The following DPP6 variants were observed in gnomAD, a reference collection of about 807,000 sequenced individuals.
DPP6 encodes the protein dipeptidyl peptidase like 6, also known as A-type potassium channel modulatory protein DPP6.
In DPP6, 69 loss-of-function variants were observed where a neutral mutation model predicts 122.6. That is an observed-to-expected ratio of 0.56 (90% CI 0.46 to 0.69). The LOEUF (loss-of-function observed/expected upper bound fraction) is 0.69. DPP6 is among the 30% of genes least tolerant of loss of function. The probability of loss-of-function intolerance (pLI) is 0.00; values close to 1 mark genes in which losing one functional copy is unlikely to be tolerated. For missense variants in DPP6, 928 were observed against 1,116.9 expected, an observed-to-expected ratio of 0.83 and a Z score of 2.41; for synonymous variants, 418 against 433.1, an observed-to-expected ratio of 0.97 and a Z score of 0.43.
chr7:153,773,014 A>T, the DPP6 span, among the ~76,000 whole-genome samples: 18 of 130,704 alleles, frequency 1.4e-4, no homozygotes, highest in Admixed American at 5.4e-4. Context: ...AAAGACATAT[A>T]TTATATAATA....
intron 8 of DPP6, among the ~76,000 whole-genome samples, chr7:154,766,115 G>A (rs1451698692): frequency 6.6e-6 from 1 of 152,200 alleles, no homozygotes; most frequent in African/African-American, 2.4e-5. Context: ...AAGGAGCGAT[G>A]TGTTCAAGGA....
intron 4 of DPP6, among the ~76,000 whole-genome samples, chr7:154,555,218 T>C (rs1049558056): frequency 2.0e-5 from 3 of 152,122 alleles, no homozygotes; most frequent in African/African-American, 7.2e-5. Context: ...TTTCTCATAA[T>C]AGAATTTTAT....
chr7:154,204,592 C>G (rs752639726), intron 1 of DPP6, among the ~76,000 whole-genome samples: 5 of 152,178 alleles, frequency 3.3e-5, no homozygotes, highest in Non-Finnish European at 7.3e-5. Flanking sequence ...GGACGCTGCT[C>G]AGACCTGCGA....
At chr7:154,768,188 C>A (rs969199815) in intron 8 of DPP6, among the ~76,000 whole-genome samples, 4 of 152,222 alleles carry the variant, frequency 2.6e-5, no homozygotes, top group African/African-American at 9.6e-5. Context: ...CTTCATGAAC[C>A]CTCCTCCCGG....
intron 12 of DPP6, among the ~76,000 whole-genome samples, chr7:154,796,598 C>A (rs927075112): frequency 2.0e-5 from 3 of 152,224 alleles, no homozygotes; most frequent in African/African-American, 7.2e-5. Flanking sequence ...CCTTATCCTT[C>A]CTAAGGGGAT....
chr7:154,460,262 A>G (rs567804535), intron 2 of DPP6, among the ~76,000 whole-genome samples: 52 of 152,258 alleles, frequency 3.4e-4, no homozygotes, highest in African/African-American at 1.2e-3. Context: ...GATTATAGGC[A>G]TGAGCCACCG....
chr7:154,657,657 G>T (rs1253364745), intron 6 of DPP6, among the ~76,000 whole-genome samples: 4 of 40,080 alleles, frequency 1.0e-4, no homozygotes, highest in Non-Finnish European at 6.0e-5. Context: ...GAGGCTGCGT[G>T]GGAGGAGGTG....
chr7:153,862,678 G>C, the DPP6 span, among the ~76,000 whole-genome samples: 1 of 152,066 alleles, frequency 6.6e-6, no homozygotes, highest in Non-Finnish European at 1.5e-5. Context: ...GTTTGTGCTT[G>C]CCAAGAAAAG....
chr7:154,006,579 T>C (rs189423668), intron 1 of DPP6, among the ~76,000 whole-genome samples: 3,112 of 152,158 alleles, frequency 0.02, 97 homozygotes, highest in African/African-American at 0.069. Context: ...GCTCTGAGGC[T>C]GCGTGGCCCG....
chr7:154,631,455 T>A (rs186516068), intron 5 of DPP6, among the ~76,000 whole-genome samples: 5 of 145,544 alleles, frequency 3.4e-5, no homozygotes, highest in African/African-American at 1.3e-4. Flanking sequence ...TAAAAGTGAA[T>A]AGAAAGTGAG....
At chr7:154,206,705 C>T (rs561036986) in intron 1 of DPP6, among the ~76,000 whole-genome samples, 2 of 152,180 alleles carry the variant, frequency 1.3e-5, no homozygotes, top group South Asian at 4.1e-4. Flanking sequence ...GAAAAAAATG[C>T]ATGTGATACG....
intron 1 of DPP6, among the ~76,000 whole-genome samples, chr7:154,018,480 G>A (rs1458406585): frequency 2.0e-5 from 3 of 152,078 alleles, no homozygotes; most frequent in East Asian, 1.9e-4. Context: ...AGTTGAAGAC[G>A]ACTCTTTGTG....
intron 1 of DPP6, among the ~76,000 whole-genome samples, chr7:154,291,233 G>T (rs1446341919): frequency 6.6e-6 from 1 of 152,138 alleles, no homozygotes; most frequent in Non-Finnish European, 1.5e-5. Flanking sequence ...CATTACATTA[G>T]AAACCAACTT....
chr7:153,960,652 TGC>T (rs1795303656), intron 1 of DPP6, among the ~76,000 whole-genome samples: 1 of 124,208 alleles, frequency 8.1e-6, no homozygotes, highest in Non-Finnish European at 1.8e-5. Flanking sequence ...CGTGTGTGTG[TGC>T]ATGTGTGTGC....
chr7:154,767,871 G>A (rs948783680), intron 8 of DPP6, among the ~76,000 whole-genome samples: 5 of 152,186 alleles, frequency 3.3e-5, no homozygotes, highest in Admixed American at 2.0e-4. Context: ...CAGCAGACTC[G>A]GCATTGCCTT....
chr7:154,686,987 T>C (rs1839651310), intron 7 of DPP6, among the ~76,000 whole-genome samples: 1 of 152,164 alleles, frequency 6.6e-6, no homozygotes, highest in African/African-American at 2.4e-5. Context: ...TTCTTTATGT[T>C]TCCCTGCCAT....
At chr7:154,771,388 C>T (rs1382066241) in intron 9 of DPP6, among the ~76,000 whole-genome samples, 8 of 152,318 alleles carry the variant, frequency 5.3e-5, no homozygotes, top group East Asian at 1.9e-4. Context: ...TGCAGACAGC[C>T]GCCTTCTCGC....
intron 1 of DPP6, among the ~76,000 whole-genome samples, chr7:153,942,193 T>C (rs940894426): frequency 5.3e-5 from 8 of 152,236 alleles, no homozygotes; most frequent in Non-Finnish European, 1.2e-4. Flanking sequence ...CCGCTGCCTT[T>C]TTATCACGCA....
intron 1 of DPP6, among the ~76,000 whole-genome samples, chr7:154,275,040 GC>G (rs1804038519): frequency 6.6e-6 from 1 of 152,260 alleles, no homozygotes. Flanking sequence ...TGCTGCAGGT[GC>G]ACTGTCATGC....
Sources: gnomAD v4.1 joint callset for allele counts (sites outside exome capture counted in the v4.1 genomes callset) on GRCh38, gnomAD v4.1.1 for gene constraint, MANE v1.5 for transcripts, NCBI Gene and HGNC (gene_info 2026-07-23, HGNC 2026-07-21) for gene names.